FNDC3A: variants seen among roughly 807,000 people sequenced by gnomAD.
FNDC3A encodes fibronectin type-III domain-containing protein 3A.
Under a neutral mutation model 148.9 loss-of-function variants are expected in FNDC3A, and 32 were observed. That is an observed-to-expected ratio of 0.21 (90% CI 0.16 to 0.29). The LOEUF (loss-of-function observed/expected upper bound fraction) is 0.29. Ranked by LOEUF, FNDC3A falls within the 10% of genes least tolerant of loss-of-function variation. The pLI is 1.00. For synonymous variants in FNDC3A, 472 were observed against 473.6 expected (o/e 1.00, Z 0.04); for missense variants, 1,191 against 1,452.8 (o/e 0.82, Z 2.93).
intron 14 of FNDC3A, among the ~76,000 whole-genome samples, chr13:49,184,217 T>C (rs910863407): frequency 2.6e-5 from 4 of 152,224 alleles, no homozygotes; most frequent in Admixed American, 6.5e-5. Context: ...TGAAATCACA[T>C]AGGGCCTTGT....
chr13:49,195,850 G>A (rs1303565551), intron 19 of FNDC3A, among the ~76,000 whole-genome samples: 2 of 152,034 alleles, frequency 1.3e-5, no homozygotes, highest in African/African-American at 2.4e-5. Flanking sequence ...GAGACAGGAG[G>A]ACCACTTGTG....
intron 8 of FNDC3A, among the ~76,000 whole-genome samples, chr13:49,158,338 T>G (rs1883855269): frequency 6.6e-6 from 1 of 152,248 alleles, no homozygotes; most frequent in African/African-American, 2.4e-5. Flanking sequence ...CCCTGACCCC[T>G]TGCGCTTCCC....
chr13:49,115,719 T>C (rs1354712355), intron 4 of FNDC3A, among the ~76,000 whole-genome samples: 1 of 152,196 alleles, frequency 6.6e-6, no homozygotes, highest in Non-Finnish European at 1.5e-5. Flanking sequence ...GAAATTACCT[T>C]GTAAGCTTTT....
intron 2 of FNDC3A, among the ~76,000 whole-genome samples, chr13:49,035,650 C>T (rs779752510): frequency 5.3e-5 from 8 of 151,922 alleles, no homozygotes; most frequent in Non-Finnish European, 1.0e-4. Context: ...CATATTATAC[C>T]ATGTATTCTG....
At chr13:49,004,117 TTAAAAA>T (rs547493115) in intron 1 of FNDC3A, among the ~76,000 whole-genome samples, 43 of 152,156 alleles carry the variant, frequency 2.8e-4, no homozygotes, top group Middle Eastern at 3.4e-3. Flanking sequence ...ATTATAAAAA[TTAAAAA>T]TAAGTGTATA....
At chr13:49,017,500 C>G (rs1872897860) in intron 2 of FNDC3A, among the ~76,000 whole-genome samples, 1 of 152,122 alleles carries the variant, frequency 6.6e-6, no homozygotes, top group Non-Finnish European at 1.5e-5. Flanking sequence ...TGTGTCTCTG[C>G]ACATGAGATG....
chr13:49,058,780 A>T (rs1196311040), intron 2 of FNDC3A, among the ~76,000 whole-genome samples: 1 of 152,154 alleles, frequency 6.6e-6, no homozygotes, highest in African/African-American at 2.4e-5. Context: ...ACTTTTCAGG[A>T]TTCATCTTTT....
chr13:49,141,022 CA>C (rs377402085), intron 7 of FNDC3A, among the ~76,000 whole-genome samples: 1 of 149,866 alleles, frequency 6.7e-6, no homozygotes, highest in African/African-American at 2.5e-5. Flanking sequence ...TGAGGAACAA[CA>C]AAAAAAAAGG....
chr13:49,106,119 G>GT (rs1880158086), intron 3 of FNDC3A, among the ~76,000 whole-genome samples: 1 of 152,038 alleles, frequency 6.6e-6, no homozygotes, highest in Non-Finnish European at 1.5e-5. Context: ...CTTTACACTG[G>GT]TTGCTCCCTC....
At chr13:49,085,633 T>G (rs552653622) in intron 3 of FNDC3A, among the ~76,000 whole-genome samples, 11 of 152,310 alleles carry the variant, frequency 7.2e-5, no homozygotes, top group Admixed American at 7.2e-4. Context: ...ACAGTAGGCA[T>G]GAGATATTAC....
intron 2 of FNDC3A, among the ~76,000 whole-genome samples, chr13:49,009,637 G>A (rs1181964346): frequency 6.6e-6 from 1 of 152,184 alleles, no homozygotes; most frequent in Admixed American, 6.5e-5. Flanking sequence ...GCATGAATGT[G>A]TGTGCCCTGT....
chr13:49,011,247 T>A (rs1566188748), intron 2 of FNDC3A, among the ~76,000 whole-genome samples: 2 of 152,160 alleles, frequency 1.3e-5, no homozygotes, highest in Non-Finnish European at 2.9e-5. Context: ...TTTCTTTTTT[T>A]TTTTGAGACA....
At chr13:49,041,627 A>G (rs1874934777) in intron 2 of FNDC3A, among the ~76,000 whole-genome samples, 2 of 152,158 alleles carry the variant, frequency 1.3e-5, no homozygotes, top group South Asian at 2.1e-4. Flanking sequence ...CCTGGCCAAC[A>G]TGGCAAAACC....
chr13:49,030,280 C>A (rs994671275), intron 2 of FNDC3A, among the ~76,000 whole-genome samples: 1 of 152,154 alleles, frequency 6.6e-6, no homozygotes, highest in African/African-American at 2.4e-5. Flanking sequence ...ACATGGTCAT[C>A]TCAGTAGACT....
chr13:49,106,954 AT>A (rs755616955), intron 3 of FNDC3A, among the ~76,000 whole-genome samples: 8 of 152,124 alleles, frequency 5.3e-5, no homozygotes, highest in Non-Finnish European at 1.2e-4. Flanking sequence ...GATATATGTG[AT>A]TTTTTTGTAG....
At chr13:49,181,106 AGT>A (rs1253964921) in intron 14 of FNDC3A, among the ~76,000 whole-genome samples, 1 of 152,184 alleles carries the variant, frequency 6.6e-6, no homozygotes, top group African/African-American at 2.4e-5. Context: ...AATTAATTAA[AGT>A]GTGTTTCACT....
At position 49,122,827 on chromosome 13, in the gene FNDC3A, C is replaced by T. The variant is rs183857639; in HGVS notation, c.252+8096C>T. On this transcript the variant is annotated intron_variant, in intron 4 of 25. Transcript: ENST00000492622. ...GACCTCTTCAAGGAGAACTACAAAC[C>T]GCTGCTCAAGGAAATAAGAGAGGAC... Among the ~76,000 whole-genome samples the T allele has an allele frequency of 3.2e-4, 48 of 152,182 alleles. 1 individual carries two copies. The highest frequency in any genetic ancestry group is 3.4e-3 in the Middle Eastern group (1 of 294).
intron 6 of FNDC3A, among the ~76,000 whole-genome samples, chr13:49,136,905 G>C (rs1882399480): frequency 6.6e-6 from 1 of 151,668 alleles, no homozygotes; most frequent in Non-Finnish European, 1.5e-5. Flanking sequence ...TTTTGAGACA[G>C]GGTCTTGCTT....
intron 2 of FNDC3A, chr13:49,045,130 C>T (rs1593511961): frequency 5.3e-6 from 1 of 187,860 alleles, no homozygotes; most frequent in Non-Finnish European, 1.1e-5. Context: ...TTTCCCTTTC[C>T]CTTTCCCTTT....
Sources: gnomAD v4.1 joint callset for allele counts (sites outside exome capture counted in the v4.1 genomes callset) on GRCh38, gnomAD v4.1.1 for gene constraint, MANE v1.5 for transcripts, NCBI Gene and HGNC (gene_info 2026-07-23, HGNC 2026-07-21) for gene names.